Variants in POR observed in about 807,000 individuals in gnomAD.
The protein encoded by POR is cytochrome p450 oxidoreductase, also known as NADPH--cytochrome P450 reductase.
In POR, 56 loss-of-function variants were observed where a neutral mutation model predicts 84.0. The observed-to-expected ratio is 0.67, with a 90% confidence interval of 0.54 to 0.83. The LOEUF (loss-of-function observed/expected upper bound fraction) is 0.83, where lower values mean the gene tolerates loss of function less well. POR is among the 40% of genes least tolerant of loss of function. POR has a pLI of 0.00. For synonymous variants in POR, 414 were observed against 400.5 expected (o/e 1.03, Z -0.40); for missense variants, 938 against 944.3 (o/e 0.99, Z 0.09).
intron 1 of POR, among the ~76,000 whole-genome samples, chr7:75,927,758 C>T (rs1585086333): frequency 6.6e-6 from 1 of 150,660 alleles, no homozygotes. Flanking sequence ...GCAACCTCTG[C>T]CTCCCGGGTT....
At position 75,984,963 on chromosome 7, in the gene POR, G is replaced by T; in HGVS notation, c.1248+5G>T. On this transcript the variant is annotated splice_donor_5th_base_variant and intron_variant, in intron 11 of 15. Coordinates refer to ENST00000461988, the MANE Select transcript of POR (RefSeq NM_000941.3). ...TCCTCCTCCGGCGAGGGCAAGGTGCGCCCCCTCAGCCCCCGCAACCTCCGC... is the reference window on the plus strand; with the variant it reads ...TCCTCCTCCGGCGAGGGCAAGGTGCTCCCCCTCAGCCCCCGCAACCTCCGC... The T allele has an allele frequency of 6.3e-7, 1 of 1,577,298 alleles. No homozygotes were observed. The highest frequency in any genetic ancestry group is 8.6e-7 in the Non-Finnish European group (1 of 1,160,286).
At chr7:75,922,998 A>G (rs547258851) in intron 1 of POR, 38 of 673,486 alleles carry the variant, frequency 5.6e-5, no homozygotes, top group Admixed American at 9.0e-5. Context: ...TGGAATCGCC[A>G]GATAAACATT....
At chr7:75,924,986 T>C (rs757131250) in intron 1 of POR, among the ~76,000 whole-genome samples, 2 of 152,064 alleles carry the variant, frequency 1.3e-5, no homozygotes, top group Non-Finnish European at 2.9e-5. Flanking sequence ...TTTGTTGAAT[T>C]TCACTTTCCA....
At chr7:75,954,852 T>C (rs1787614572) in intron 2 of POR, among the ~76,000 whole-genome samples, 2 of 151,916 alleles carry the variant, frequency 1.3e-5, no homozygotes, top group African/African-American at 2.4e-5. Flanking sequence ...GGATTACAGG[T>C]GCCCGCCACC....
At chr7:75,947,121 T>A (rs1787207198) in intron 1 of POR, 1 of 152,196 alleles carries the variant, frequency 6.6e-6, no homozygotes, top group Admixed American at 6.5e-5. Flanking sequence ...TTTGCAGTGG[T>A]TGTTCAGACC....
chr7:75,953,186 G>T (rs1023249070), intron 1 of POR, among the ~76,000 whole-genome samples: 1 of 151,986 alleles, frequency 6.6e-6, no homozygotes, highest in South Asian at 2.1e-4. Flanking sequence ...AGGCGTGGCG[G>T]CGCGCGCCTG....
chr7:75,915,582 G>C (rs1563393880), intron 1 of POR: 1 of 152,286 alleles, frequency 6.6e-6, no homozygotes, highest in Admixed American at 6.6e-5. Context: ...AATGGGCCTC[G>C]GGAGGCAGCG....
At chr7:75,968,475 G>A (rs988423966) in intron 2 of POR, among the ~76,000 whole-genome samples, 1 of 152,242 alleles carries the variant, frequency 6.6e-6, no homozygotes, top group African/African-American at 2.4e-5. Flanking sequence ...TGCAAATCCA[G>A]GTCTGAGGTC....
chr7:75,915,603 G>C (rs1012296396), intron 1 of POR: 1 of 152,314 alleles, frequency 6.6e-6, no homozygotes, highest in South Asian at 2.1e-4. Context: ...AATTCTGGGG[G>C]TACCTAACGT....
At chr7:75,960,733 G>A (rs1488561244) in intron 2 of POR, among the ~76,000 whole-genome samples, 4 of 152,112 alleles carry the variant, frequency 2.6e-5, no homozygotes, top group African/African-American at 9.7e-5. Context: ...GCCTCCCATG[G>A]TGCAGAGAGC....
chr7:75,943,376 C>T (rs1192879771), intron 1 of POR, among the ~76,000 whole-genome samples: 2 of 152,194 alleles, frequency 1.3e-5, no homozygotes, highest in African/African-American at 4.8e-5. Flanking sequence ...TTTACCACTG[C>T]TAAGCTGCTG....
At chr7:75,933,973 T>A (rs1807546358) in intron 1 of POR, among the ~76,000 whole-genome samples, 3 of 152,034 alleles carry the variant, frequency 2.0e-5, no homozygotes. Context: ...GGACAGTTTT[T>A]TTTTTTTTGG....
At chr7:75,941,135 C>G (rs1214287383) in intron 1 of POR, among the ~76,000 whole-genome samples, 3 of 152,076 alleles carry the variant, frequency 2.0e-5, no homozygotes, top group Non-Finnish European at 4.4e-5. Flanking sequence ...TGCTTTCCAC[C>G]CTGGGTAACA....
chr7:75,956,520 C>A (rs750951445), intron 2 of POR, among the ~76,000 whole-genome samples: 9 of 152,188 alleles, frequency 5.9e-5, no homozygotes, highest in Non-Finnish European at 1.0e-4. Flanking sequence ...GTTTCCTCAC[C>A]TGCTAAATGG....
At chr7:75,952,878 T>C (rs1214224971) in intron 1 of POR, among the ~76,000 whole-genome samples, 22 of 134,102 alleles carry the variant, frequency 1.6e-4, no homozygotes, top group Non-Finnish European at 1.6e-5. Flanking sequence ...TCCCAGACGA[T>C]GGGCAGCCAG....
At chr7:75,965,538 A>G (rs1788140648) in intron 2 of POR, among the ~76,000 whole-genome samples, 1 of 151,866 alleles carries the variant, frequency 6.6e-6, no homozygotes, top group Non-Finnish European at 1.5e-5. Context: ...GATTGCACAC[A>G]ATAGCAGAGC....
chr7:75,984,227 G>T (rs1789265403), intron 10 of POR, among the ~76,000 whole-genome samples: 1 of 152,176 alleles, frequency 6.6e-6, no homozygotes, highest in South Asian at 2.1e-4. Context: ...ACTGAAGTCA[G>T]GAGTCAGCAG....
At chr7:75,926,139 G>T (rs1807111847) in intron 1 of POR, among the ~76,000 whole-genome samples, 1 of 149,960 alleles carries the variant, frequency 6.7e-6, no homozygotes, top group African/African-American at 2.5e-5. Flanking sequence ...GGGACTACAG[G>T]CACACACCAC....
At chr7:75,936,765 G>A (rs1313633997) in intron 1 of POR, among the ~76,000 whole-genome samples, 1 of 151,482 alleles carries the variant, frequency 6.6e-6, no homozygotes, top group Non-Finnish European at 1.5e-5. Flanking sequence ...GAACTGATCT[G>A]CCCAGATTTG....
Sources: gnomAD v4.1 joint callset for allele counts (sites outside exome capture counted in the v4.1 genomes callset) on GRCh38, gnomAD v4.1.1 for gene constraint, MANE v1.5 for transcripts, NCBI Gene and HGNC (gene_info 2026-07-23, HGNC 2026-07-21) for gene names.